The following RNPEP variants were observed in gnomAD, a reference collection of about 807,000 sequenced individuals.
RNPEP encodes aminopeptidase B.
A neutral mutation model predicts 70.1 loss-of-function variants in RNPEP; 57 were observed. The observed-to-expected ratio is 0.81, with a 90% CI of 0.66 to 1.01. The LOEUF (loss-of-function observed/expected upper bound fraction) is 1.01. RNPEP is among the 50% of genes least tolerant of loss of function. RNPEP has a pLI of 0.00. For missense variants in RNPEP, 787 were observed against 852.4 expected, an observed-to-expected ratio of 0.92 and a Z score of 0.96; for synonymous variants, 335 against 357.4, an observed-to-expected ratio of 0.94 and a Z score of 0.71.
Position 202,003,449 on chromosome 1 carries a change from C to T in RNPEP, c.1639C>T (p.Pro547Ser), listed in dbSNP as rs760016335. The T allele has an allele frequency of 2.5e-6, 4 of 1,612,030 alleles. No homozygotes were observed. The highest frequency in any genetic ancestry group is 3.4e-6 in the Non-Finnish European group (4 of 1,178,572). Residue 547 changes from proline (P) to serine (S), a missense_variant, in exon 9 of 11, where the codon CCT becomes TCT. Coordinates refer to ENST00000295640, the MANE Select transcript of RNPEP (RefSeq NM_020216.4). ...YFLDKILQKSPLPPGNVKKLG... is the reference protein window; with the variant it reads ...YFLDKILQKSSLPPGNVKKLG... ...CCTGGATAAGATCCTCCAGAAATCC[C>T]CTCTCCCTCCTGGTAAGAAAAAATG...
At chr1:201,994,080 C>T (rs1683452647) in intron 3 of RNPEP, among the ~76,000 whole-genome samples, 2 of 152,178 alleles carry the variant, frequency 1.3e-5, no homozygotes, top group African/African-American at 4.8e-5. Context: ...CATTGACCCT[C>T]CTCTGGCTTC....
chr1:202,004,402 G>A lies in RNPEP; in HGVS notation c.1700G>A (p.Arg567Gln), dbSNP rs147911264. The change falls in exon 10 of 11, where the codon CGG becomes CAG. Residue 567 changes from arginine to glutamine, a missense_variant. Arg to Gln is a conservative substitution (Grantham distance 43). Transcript: ENST00000295640. ...ACATACCCAAGTATCTCAAATGCCC[G>A]GAATGCAGAGCTCCGGCTGCGATGG... The part of the protein sequence containing the change: ...GDTYPSISNA[R>Q]NAELRLRWGQ... 34 of 1,614,000 alleles carry A rather than the reference G, an allele frequency of 2.1e-5. No individual in the cohort carries two copies. The highest frequency in any genetic ancestry group is 3.3e-5 in the Admixed American group (2 of 59,990).
intron 1 of RNPEP, among the ~76,000 whole-genome samples, chr1:201,985,038 C>T (rs997443658): frequency 4.6e-5 from 7 of 151,478 alleles, no homozygotes; most frequent in African/African-American, 1.7e-4. Flanking sequence ...ACTAAAAATA[C>T]AAAAATTAGC....
intron 1 of RNPEP, among the ~76,000 whole-genome samples, chr1:201,987,122 A>G (rs1354976204): frequency 1.3e-5 from 2 of 152,120 alleles, no homozygotes; most frequent in Non-Finnish European, 2.9e-5. Flanking sequence ...AGACTTGCCC[A>G]GGCCTGCCTC....
chr1:202,000,485 T>A (rs973994778), intron 6 of RNPEP, among the ~76,000 whole-genome samples: 5 of 152,212 alleles, frequency 3.3e-5, no homozygotes, highest in Non-Finnish European at 5.9e-5. Flanking sequence ...CCTAACATTT[T>A]CCTTCATTCC....
At chr1:201,988,465 A>C (rs983660194) in intron 1 of RNPEP, among the ~76,000 whole-genome samples, 29 of 151,814 alleles carry the variant, frequency 1.9e-4, no homozygotes, top group African/African-American at 6.8e-4. Context: ...CTCAAAAAAA[A>C]AAAAAAAAAA....
chr1:202,001,015 A>G (rs948254076), intron 6 of RNPEP: 1 of 223,910 alleles, frequency 4.5e-6, no homozygotes, highest in African/African-American at 2.3e-5. Flanking sequence ...ACCTACCCAC[A>G]CAAAGTGTAT....
At chr1:201,991,452 G>A (rs1168361730) in intron 3 of RNPEP, among the ~76,000 whole-genome samples, 1 of 152,190 alleles carries the variant, frequency 6.6e-6, no homozygotes, top group Non-Finnish European at 1.5e-5. Flanking sequence ...GGCAAGGTAT[G>A]CCACCTATCC....
At position 201,983,020 on chromosome 1, in the gene RNPEP, T is replaced by C; in HGVS notation, c.354T>C (p.Tyr118=). 6.6e-7 allele frequency: 1 copy of C among 1,524,790 alleles called. No individual in the cohort carries two copies. The highest frequency in any genetic ancestry group is 2.7e-5 in the East Asian group (1 of 37,114). The allele number at this position is 1,524,790 out of a possible 1,614,324, so 94.5% of individuals were successfully genotyped here. A position where few individuals can be genotyped will look rare whatever the true frequency, so the allele number is the denominator to read the frequency against. ...TCTACACGCAGCCCTTCTCGCACTA[T>C]GGCCAGGCCCTGTGCGTGTCCTTCC... The part of the protein sequence containing the change: ...VSFYTQPFSH[Y]GQALCVSFPQ... Residue 118 remains tyrosine (Y), a synonymous_variant, in exon 1 of 11, where the codon TAT becomes TAC. Coordinates refer to ENST00000295640, the MANE Select transcript of RNPEP (RefSeq NM_020216.4).
chr1:201,983,179 C>A (rs1052092894), intron 1 of RNPEP, 66 bp downstream of exon 1: 1 of 1,419,072 alleles, frequency 7.0e-7, no homozygotes, highest in South Asian at 1.5e-5. Flanking sequence ...CCGCCCTGCA[C>A]CCTCACCTAC....
At chr1:201,999,719 C>T (rs1481998000) in intron 5 of RNPEP, among the ~76,000 whole-genome samples, 183 bp from the exon 6 acceptor site, 1 of 152,170 alleles carries the variant, frequency 6.6e-6, no homozygotes, top group Non-Finnish European at 1.5e-5. Context: ...GGGACTGAGT[C>T]AGGCTCTCTG....
In RNPEP at chr1:201,988,982, C is replaced by T. The variant is rs762297316; in HGVS notation, c.526C>T (p.Arg176Trp). The change falls in exon 2 of 11, where the codon CGG becomes TGG. Residue 176 changes from arginine to tryptophan, a missense_variant. Physicochemically the swap from Arg to Trp is moderately radical, Grantham distance 101 (BLOSUM62 -3). Coordinates refer to ENST00000295640, the MANE Select transcript of RNPEP (RefSeq NM_020216.4). ...CACCCAGGGCCAGGCTGTCCTAAAC[C>T]GGGCCTTCTTCCCTTGCTTCGACAC... ...VYTQGQAVLN[R>W]AFFPCFDTPA... 44 of 1,614,000 alleles carry T rather than the reference C, an allele frequency of 2.7e-5. No individual in the cohort carries two copies. Among genetic ancestry groups the T allele is most frequent in the African/African-American group, 2.7e-5 (2 of 74,902 alleles).
Position 201,999,987 on chromosome 1 carries a change from C to G in RNPEP, c.1176C>G (p.Leu392=). The G allele has an allele frequency of 6.2e-7, 1 of 1,613,816 alleles. No homozygotes were observed. Among genetic ancestry groups the G allele is most frequent in the Non-Finnish European group, 8.5e-7 (1 of 1,179,846 alleles). Residue 392 remains leucine (L), a synonymous_variant, in exon 6 of 11, where the codon CTC becomes CTG. Coordinates refer to ENST00000295640, the MANE Select transcript of RNPEP (RefSeq NM_020216.4). ...HMDITGEENP[L]NKLRVKIEPG... ...ACATCACTGGAGAGGAAAACCCACT[C>G]AACAAGCTCCGCGTGAAGATTGAAC...
chr1:202,003,168 A>T, intron 8 of RNPEP, 69 bp from the exon 9 acceptor site: 1 of 1,090,024 alleles, frequency 9.2e-7, no homozygotes, highest in Non-Finnish European at 1.3e-6. Context: ...GGTCTCTGGG[A>T]GTTGCTTAAA....
At chr1:201,995,310 T>G (rs1571634388) in intron 3 of RNPEP, among the ~76,000 whole-genome samples, 1 of 152,336 alleles carries the variant, frequency 6.6e-6, no homozygotes, top group East Asian at 1.9e-4. Flanking sequence ...TGTGTGCCTC[T>G]CTGAAGAATA....
At position 202,000,643 on chromosome 1, in the gene RNPEP, C is replaced by T. The variant is rs1683756994; in HGVS notation, c.1204+628C>T. 2.0e-5 allele frequency among the ~76,000 whole-genome samples: 3 copies of T among 152,128 alleles called. No individual in the cohort carries two copies. In the South Asian group the frequency reaches 6.2e-4, roughly 32 times the overall value. On this transcript the variant is annotated intron_variant, in intron 6 of 10. Transcript: ENST00000295640. ...AACACATTGGCTGGGCATGGTGGTT[C>T]ACGCCTGTAATCCCAGGTCAAAGCG... is the stretch of plus-strand genomic sequence containing the variant.
In RNPEP at chr1:201,994,833, A is replaced by ATTTT. The variant is rs34077790; in HGVS notation, c.738-1291_738-1288dup. 3.6e-3 allele frequency among the ~76,000 whole-genome samples: 308 copies of ATTTT among 85,202 alleles called. 13 individuals carry two copies. Among genetic ancestry groups the ATTTT allele is most frequent in the African/African-American group, 0.013 (268 of 21,438 alleles). The allele number at this position is 85,202 out of a possible 152,430, so 55.9% of individuals were successfully genotyped here. A position where few individuals can be genotyped will look rare whatever the true frequency, so the allele number is the denominator to read the frequency against. On this transcript the variant is annotated intron_variant, in intron 3 of 10. Transcript: ENST00000295640. ...AGGCATACACTACCATGTCCTGCTA[A>ATTTT]TTTTTTTTTTTTTTTTTTTTTTTTT...
intron 5 of RNPEP, 93 bp from the exon 6 acceptor site, chr1:201,999,809 C>G (rs1408468685): frequency 2.1e-6 from 2 of 955,566 alleles, no homozygotes; most frequent in Non-Finnish European, 3.2e-6. Context: ...CTTCTTGAGG[C>G]CACAAGGAGG....
chr1:201,982,706 CGGCGGCCGCTGCACTCCGCGCAGGCT>C lies in RNPEP; in HGVS notation c.42_67del (p.Arg15GlyfsTer12), dbSNP rs1682978536. 1.4e-6 allele frequency: 2 copies of C among 1,399,376 alleles called. No individual in the cohort carries two copies. The highest frequency in any genetic ancestry group is 3.0e-5 in the African/African-American group (2 of 66,080). The allele number at this position is 1,399,376 out of a possible 1,614,324, so 86.7% of individuals were successfully genotyped here. A position where few individuals can be genotyped will look rare whatever the true frequency, so the allele number is the denominator to read the frequency against. On this transcript the variant is annotated frameshift_variant, in exon 1 of 11. Transcript: ENST00000295640. LOFTEE classifies it high-confidence loss of function. The stretch of plus-strand genomic sequence containing the variant: ...GCATTCCCCCGGCAGCGGCGCGGCC[CGGCGGCCGCTGCACTCCGCGCAGGCT>C]GTGGACGTGGCCTCGGCCTCCAACT...
Sources: gnomAD v4.1 joint callset for allele counts (sites outside exome capture counted in the v4.1 genomes callset) on GRCh38, gnomAD v4.1.1 for gene constraint, MANE v1.5 for transcripts, NCBI Gene and HGNC (gene_info 2026-07-23, HGNC 2026-07-21) for gene names.